RYR3: variants seen among roughly 807,000 people sequenced by gnomAD.
RYR3 encodes the protein brain ryanodine receptor-calcium release channel.
RYR3 carries 207 observed loss-of-function variants against 584.3 expected under a neutral mutation model. That is an observed-to-expected ratio of 0.35 (90% CI 0.32 to 0.40). The LOEUF is 0.40. RYR3 is among the 10% of genes least tolerant of loss of function. The pLI, the probability that RYR3 is intolerant of heterozygous loss-of-function variation, is 1.00. For synonymous variants in RYR3, 2,416 were observed against 2,248.5 expected (o/e 1.07, Z -2.11); for missense variants, 5,616 against 6,089.2 (o/e 0.92, Z 2.59).
intron 42 of RYR3, among the ~76,000 whole-genome samples, chr15:33,706,469 A>G (rs1010120334): frequency 6.6e-6 from 1 of 152,088 alleles, no homozygotes; most frequent in African/African-American, 2.4e-5. Flanking sequence ...ATTACCTCCT[A>G]TGAATGGAAC....
intron 103 of RYR3, chr15:33,864,909 A>C (rs146540016): frequency 7.2e-5 from 36 of 502,598 alleles, no homozygotes; most frequent in African/African-American, 6.5e-4. Context: ...TTTGGGGCAG[A>C]GGGGGATTTT....
At chr15:33,699,320 T>G (rs936774544) in intron 40 of RYR3, among the ~76,000 whole-genome samples, 3 of 137,894 alleles carry the variant, frequency 2.2e-5, no homozygotes, top group Non-Finnish European at 4.6e-5. Context: ...TTCCTCACTT[T>G]CTCTCCTCAC....
At chr15:33,620,446 A>G (rs558315612) in intron 19 of RYR3, among the ~76,000 whole-genome samples, 3 of 152,308 alleles carry the variant, frequency 2.0e-5, no homozygotes, top group African/African-American at 4.8e-5. Flanking sequence ...TTTTTAGTAT[A>G]TACTACATAG....
At position 33,579,957 on chromosome 15, in the gene RYR3, T is replaced by G; in HGVS notation, c.1269-19T>G. ...GCTGCTGGCCAGTGCCTAAACCATG[T>G]CAATCTCATGGTTTTTAGCGGAAAC... On this transcript the variant is annotated intron_variant, in intron 12 of 103. Coordinates refer to ENST00000634891, the MANE Select transcript of RYR3 (RefSeq NM_001036.6). The G allele has an allele frequency of 6.3e-7, 1 of 1,597,396 alleles. No homozygotes were observed. Among genetic ancestry groups the G allele is most frequent in the Non-Finnish European group, 8.5e-7 (1 of 1,169,910 alleles).
At chr15:33,511,946 T>C (rs2053062419) in intron 3 of RYR3, among the ~76,000 whole-genome samples, 1 of 151,848 alleles carries the variant, frequency 6.6e-6, no homozygotes, top group Non-Finnish European at 1.5e-5. Flanking sequence ...GCCCGGCTAA[T>C]TTTTTGTATT....
chr15:33,447,652 T>G (rs1015242149), intron 1 of RYR3, among the ~76,000 whole-genome samples: 1 of 152,192 alleles, frequency 6.6e-6, no homozygotes, highest in African/African-American at 2.4e-5. Context: ...ACTAGCTACA[T>G]GTAGCTAGGC....
intron 1 of RYR3, among the ~76,000 whole-genome samples, chr15:33,397,386 G>A (rs1293960594): frequency 1.3e-5 from 2 of 152,206 alleles, no homozygotes; most frequent in East Asian, 1.9e-4. Flanking sequence ...TTGGAGTGGA[G>A]CCTTAACATT....
At chr15:33,681,280 A>C (rs2064589162) in intron 38 of RYR3, among the ~76,000 whole-genome samples, 1 of 152,214 alleles carries the variant, frequency 6.6e-6, no homozygotes, top group African/African-American at 2.4e-5. Flanking sequence ...TTAGTTTTCT[A>C]CTGTTGCTAT....
chr15:33,350,343 C>T (rs1973073865), intron 1 of RYR3, among the ~76,000 whole-genome samples: 1 of 152,108 alleles, frequency 6.6e-6, no homozygotes, highest in South Asian at 2.1e-4. Context: ...CAACATTAGA[C>T]AGATCAATGA....
chr15:33,405,220 C>T (rs1360397973), intron 1 of RYR3, among the ~76,000 whole-genome samples: 4 of 152,186 alleles, frequency 2.6e-5, no homozygotes, highest in Non-Finnish European at 5.9e-5. Flanking sequence ...GATCCAGCAA[C>T]CATGAGTGGT....
At chr15:33,672,072 C>T (rs926502439) in intron 38 of RYR3, among the ~76,000 whole-genome samples, 1 of 152,120 alleles carries the variant, frequency 6.6e-6, no homozygotes, top group African/African-American at 2.4e-5. Flanking sequence ...CCTCAGCCTC[C>T]CAAAGTGCTG....
intron 37 of RYR3, 111 bp downstream of exon 37, chr15:33,669,567 T>C (rs1212625867): frequency 3.5e-6 from 3 of 850,756 alleles, no homozygotes; most frequent in Non-Finnish European, 5.7e-6. Flanking sequence ...TATTTAAAAT[T>C]GCAATACTGT....
At chr15:33,443,317 A>G (rs1393009348) in intron 1 of RYR3, among the ~76,000 whole-genome samples, 4 of 152,186 alleles carry the variant, frequency 2.6e-5, no homozygotes, top group African/African-American at 9.7e-5. Context: ...TGACAGCTAA[A>G]AAATAAACTA....
At chr15:33,649,666 T>A (rs1257733705) in intron 31 of RYR3, among the ~76,000 whole-genome samples, 2 of 152,246 alleles carry the variant, frequency 1.3e-5, no homozygotes, top group Non-Finnish European at 2.9e-5. Flanking sequence ...CAAGAGTTTA[T>A]AATGGTTGAA....
chr15:33,860,398 A>G (rs1284178548), intron 100 of RYR3, among the ~76,000 whole-genome samples, 197 bp from the exon 101 acceptor site: 4 of 152,242 alleles, frequency 2.6e-5, no homozygotes, highest in African/African-American at 9.6e-5. Context: ...TGCATGGTGT[A>G]GAAAGGTAGA....
chr15:33,435,395 ATTCCAGTGTATACAT>A (rs1254920768), intron 1 of RYR3, among the ~76,000 whole-genome samples: 1 of 152,214 alleles, frequency 6.6e-6, no homozygotes, highest in Admixed American at 6.5e-5. Context: ...ACTCTGTGGC[ATTCCAGTGTATACAT>A]TTATCATTAT....
rs1303039526 is a variant in RYR3, at chr15:33,864,049, A to C, written c.14466-89A>C. ...CACTGTAGATAGCGTGGGACCAACTAGCCTTTCTGAGCCCTGATCACAGTT... is the reference window on the plus strand; with the variant it reads ...CACTGTAGATAGCGTGGGACCAACTCGCCTTTCTGAGCCCTGATCACAGTT... On this transcript the variant is annotated intron_variant, in intron 102 of 103. Transcript: ENST00000634891. 1.9e-5 allele frequency: 18 copies of C among 927,786 alleles called. No individual in the cohort carries two copies. In the East Asian group the frequency reaches 4.3e-4, roughly 22 times the overall value. The allele number at this position is 927,786 out of a possible 1,614,324, so 57.5% of individuals were successfully genotyped here. A position where few individuals can be genotyped will look rare whatever the true frequency, so the allele number is the denominator to read the frequency against.
At chr15:33,796,898 T>C (rs79868523) in intron 67 of RYR3, among the ~76,000 whole-genome samples, 2,017 of 152,290 alleles carry the variant, frequency 0.013, 47 homozygotes, top group African/African-American at 0.047. Context: ...GGGATACATA[T>C]ATACACACAC....
intron 43 of RYR3, among the ~76,000 whole-genome samples, chr15:33,718,945 G>GTC (rs1215354152): frequency 2.0e-5 from 3 of 152,074 alleles, no homozygotes. Context: ...TTTACCTCAA[G>GTC]TCTCTCTCTC....
Sources: allele counts gnomAD v4.1 joint callset (sites outside exome capture counted in the v4.1 genomes callset), GRCh38; gene constraint gnomAD v4.1.1; transcripts MANE v1.5; gene names NCBI Gene and HGNC (gene_info 2026-07-23, HGNC 2026-07-21).